Variants in TTLL7 observed in about 807,000 individuals in gnomAD.
TTLL7 encodes the protein tubulin polyglutamylase TTLL7.
A neutral mutation model predicts 120.2 loss-of-function variants in TTLL7; 53 were observed. The ratio of observed to expected loss-of-function variants is 0.44; its 90% CI spans 0.35 to 0.55. The LOEUF is 0.55. Among genes scored for constraint, TTLL7 ranks in the 20% least tolerant of loss-of-function variants. The pLI is 0.00. For synonymous variants in TTLL7, 353 were observed against 351.7 expected, an observed-to-expected ratio of 1.00 and a Z score of -0.04; for missense variants, 803 against 1,054.7, an observed-to-expected ratio of 0.76 and a Z score of 3.31.
Position 83,911,293 on chromosome 1 carries a change from T to C in TTLL7, c.1658A>G (p.Tyr553Cys), listed in dbSNP as rs1348056965. ...TTCTGAAGAGCTGCTGCTACTATCATAACTGCTGTCACTGCTGCAGTACTT... is the reference window on the plus strand; with the variant it reads ...TTCTGAAGAGCTGCTGCTACTATCACAACTGCTGTCACTGCTGCAGTACTT... ...RPKYCSSDSS[Y>C]DSSSSSSESD... is the part of the protein sequence containing the mutation. Residue 553 changes from tyrosine (Y) to cysteine (C), a missense_variant, in exon 15 of 21, where the codon TAT (tyrosine) becomes TGT (cysteine). Tyr to Cys is a radical substitution (Grantham distance 194). Transcript: ENST00000260505. The C allele has an allele frequency of 5.0e-6, 8 of 1,613,622 alleles. No individual in the cohort carries two copies. The highest frequency in any genetic ancestry group is 3.3e-5 in the Admixed American group (2 of 59,972).
intron 4 of TTLL7, chr1:83,948,962 A>G: frequency 3.7e-6 from 1 of 268,172 alleles, no homozygotes; most frequent in South Asian, 9.2e-5. Context: ...TTGAATAGTG[A>G]TAATTCAATA....
chr1:83,959,540 T>G (rs192909505), intron 1 of TTLL7, among the ~76,000 whole-genome samples: 1 of 152,318 alleles, frequency 6.6e-6, no homozygotes, highest in East Asian at 1.9e-4. Context: ...CCAACAGCTC[T>G]GGTAAGTGGG....
chr1:83,975,824 C>A (rs1306202571), intron 1 of TTLL7, among the ~76,000 whole-genome samples: 2 of 152,060 alleles, frequency 1.3e-5, no homozygotes, highest in African/African-American at 2.4e-5. Flanking sequence ...TTCTAATGTA[C>A]TTTCTACTAC....
chr1:83,901,993 C>T (rs1211791056), intron 18 of TTLL7: 1 of 151,924 alleles, frequency 6.6e-6, no homozygotes. Context: ...TCCAAGACAA[C>T]CATTATGTAC....
chr1:83,913,506 A>G (rs1461452953), intron 14 of TTLL7, among the ~76,000 whole-genome samples: 1 of 152,174 alleles, frequency 6.6e-6, no homozygotes, highest in Non-Finnish European at 1.5e-5. Flanking sequence ...TTATTCTTCT[A>G]CCAGTAAAGA....
chr1:83,878,624 C>T (rs1218622888), intron 20 of TTLL7, among the ~76,000 whole-genome samples: 1 of 151,928 alleles, frequency 6.6e-6, no homozygotes, highest in Non-Finnish European at 1.5e-5. Flanking sequence ...TTTTGTACAG[C>T]TTTTCTAGTT....
At chr1:83,914,027 T>A (rs2100777834) in intron 14 of TTLL7, among the ~76,000 whole-genome samples, 1 of 152,298 alleles carries the variant, frequency 6.6e-6, no homozygotes, top group Middle Eastern at 3.4e-3. Context: ...ATGCAAGTAT[T>A]CACTTTTACA....
chr1:83,990,839 T>G (rs1376931270), intron 1 of TTLL7, among the ~76,000 whole-genome samples: 4 of 152,212 alleles, frequency 2.6e-5, no homozygotes, highest in Non-Finnish European at 1.5e-5. Flanking sequence ...GCAATTTCAC[T>G]TCAGGGTATA....
chr1:83,921,506 A>T (rs1658665442), intron 10 of TTLL7, 112 bp from the exon 11 acceptor site: 4 of 1,144,322 alleles, frequency 3.5e-6, no homozygotes, highest in Non-Finnish European at 4.9e-6. Context: ...ATCAATGTTT[A>T]TTAAACTTAT....
intron 1 of TTLL7, among the ~76,000 whole-genome samples, chr1:83,995,831 C>T (rs1050936626): frequency 1.3e-5 from 2 of 152,038 alleles, no homozygotes; most frequent in African/African-American, 4.8e-5. Flanking sequence ...CTATTATTAT[C>T]ATCAATAATT....
At chr1:83,894,452 G>A (rs1656044821) in intron 18 of TTLL7, among the ~76,000 whole-genome samples, 1 of 152,032 alleles carries the variant, frequency 6.6e-6, no homozygotes, top group African/African-American at 2.4e-5. Flanking sequence ...CACTTCAAGG[G>A]CAACTAACAT....
Position 83,937,839 on chromosome 1 carries a change from G to A in TTLL7, c.888+13C>T. 6.2e-7 allele frequency: 1 copy of A among 1,613,168 alleles called. No homozygotes were observed. Among genetic ancestry groups the A allele is most frequent in the African/African-American group, 1.3e-5 (1 of 74,998 alleles). ...GGAAAGACTGTTATAATTGTGGAAT[G>A]GCATAATCTTACTGAAATATCACTC... On this transcript the variant is annotated intron_variant, in intron 8 of 20. Transcript: ENST00000260505.
intron 18 of TTLL7, among the ~76,000 whole-genome samples, chr1:83,892,140 G>A (rs138256861): frequency 2.0e-3 from 297 of 151,162 alleles, no homozygotes; most frequent in African/African-American, 6.5e-3. Flanking sequence ...TGATACGCTT[G>A]TAATAGAAGT....
intron 7 of TTLL7, among the ~76,000 whole-genome samples, chr1:83,939,654 G>A (rs1647748038): frequency 6.6e-6 from 1 of 152,078 alleles, no homozygotes; most frequent in Non-Finnish European, 1.5e-5. Flanking sequence ...ATAAATTGGT[G>A]TACACAAAAT....
intron 1 of TTLL7, among the ~76,000 whole-genome samples, chr1:83,998,312 T>C (rs181548851): frequency 2.0e-5 from 3 of 152,320 alleles, no homozygotes; most frequent in South Asian, 2.1e-4. Context: ...CTCCTAAATC[T>C]TTTCTTTCTA....
intron 9 of TTLL7, 39 bp downstream of exon 9, chr1:83,933,569 A>G: frequency 6.3e-7 from 1 of 1,593,732 alleles, no homozygotes; most frequent in Admixed American, 1.8e-5. Context: ...ATACGTAAGG[A>G]CAGTGATAAC....
chr1:83,995,941 T>C (rs1212933181), intron 1 of TTLL7, among the ~76,000 whole-genome samples: 1 of 152,164 alleles, frequency 6.6e-6, no homozygotes, highest in Non-Finnish European at 1.5e-5. Flanking sequence ...AAGCCTGCTA[T>C]TAGGCATTTT....
intron 1 of TTLL7, among the ~76,000 whole-genome samples, chr1:83,965,244 C>G (rs1025324768): frequency 6.6e-6 from 1 of 152,090 alleles, no homozygotes; most frequent in Non-Finnish European, 1.5e-5. Context: ...ATAATCCCCA[C>G]GTGTCAAGGG....
intron 10 of TTLL7, among the ~76,000 whole-genome samples, chr1:83,924,549 G>A (rs1467030462): frequency 1.3e-5 from 2 of 152,074 alleles, no homozygotes; most frequent in Non-Finnish European, 2.9e-5. Context: ...ATATAGTGAT[G>A]GTTTCCAGGG....
Sources: gnomAD v4.1 joint callset for allele counts (sites outside exome capture counted in the v4.1 genomes callset) on GRCh38, gnomAD v4.1.1 for gene constraint, MANE v1.5 for transcripts, NCBI Gene and HGNC (gene_info 2026-07-23, HGNC 2026-07-21) for gene names.